VPS13B: variants seen among roughly 807,000 people sequenced by gnomAD.
VPS13B encodes intermembrane lipid transfer protein VPS13B.
In VPS13B, 285 loss-of-function variants were observed where a neutral mutation model predicts 426.4. That is an observed-to-expected ratio of 0.67 (90% confidence interval 0.61 to 0.74). VPS13B has a LOEUF of 0.74. Ranked by LOEUF, VPS13B falls within the 30% of genes least tolerant of loss-of-function variation. The pLI, the probability that VPS13B is intolerant of heterozygous loss-of-function variation, is 0.00. For missense variants in VPS13B, 4,537 were observed against 4,782.6 expected, an observed-to-expected ratio of 0.95 and a Z score of 1.51; for synonymous variants, 1,676 against 1,676.4, an observed-to-expected ratio of 1.00 and a Z score of 0.01.
intron 8 of VPS13B, among the ~76,000 whole-genome samples, chr8:99,124,255 G>C (rs1460219052): frequency 6.6e-6 from 1 of 152,198 alleles, no homozygotes; most frequent in Non-Finnish European, 1.5e-5. Context: ...TTTGAGCAGA[G>C]CAGTGATATG....
intron 43 of VPS13B, among the ~76,000 whole-genome samples, chr8:99,790,168 G>T (rs1253128017): frequency 1.3e-5 from 2 of 151,916 alleles, no homozygotes; most frequent in African/African-American, 4.8e-5. Flanking sequence ...TAACAGTTTT[G>T]CCCTGTTTTA....
intron 17 of VPS13B, among the ~76,000 whole-genome samples, chr8:99,226,878 T>C (rs1243421703): frequency 6.6e-6 from 1 of 152,244 alleles, no homozygotes; most frequent in Non-Finnish European, 1.5e-5. Context: ...TTATCATTTC[T>C]ATATGTTGAG....
chr8:99,042,433 G>C (rs977610076), intron 3 of VPS13B, among the ~76,000 whole-genome samples: 105 of 152,076 alleles, frequency 6.9e-4, no homozygotes, highest in African/African-American at 2.4e-3. Context: ...TCTAATTGTT[G>C]ATATGGCTCT....
chr8:99,628,160 C>A (rs1203615414), intron 33 of VPS13B, among the ~76,000 whole-genome samples: 1 of 152,204 alleles, frequency 6.6e-6, no homozygotes, highest in Admixed American at 6.5e-5. Context: ...CACATAGCTG[C>A]ACACAGGTGT....
intron 24 of VPS13B, among the ~76,000 whole-genome samples, chr8:99,474,129 G>A (rs1050489425): frequency 2.6e-5 from 4 of 150,944 alleles, no homozygotes; most frequent in East Asian, 3.9e-4. Flanking sequence ...CAGAAAGCCC[G>A]ACATTTGGAG....
intron 21 of VPS13B, among the ~76,000 whole-genome samples, chr8:99,409,665 C>T (rs1023899204): frequency 7.2e-5 from 11 of 151,946 alleles, no homozygotes; most frequent in African/African-American, 1.2e-4. Context: ...TTTCTTTTTC[C>T]GCTCTCCACT....
At chr8:99,344,636 A>G (rs1019929163) in intron 19 of VPS13B, among the ~76,000 whole-genome samples, 4 of 152,164 alleles carry the variant, frequency 2.6e-5, no homozygotes, top group African/African-American at 7.2e-5. Flanking sequence ...TCTGAATGCT[A>G]AGTCATTGCA....
chr8:99,159,902 G>A (rs1166391355), intron 15 of VPS13B, among the ~76,000 whole-genome samples: 3 of 152,034 alleles, frequency 2.0e-5, no homozygotes, highest in Non-Finnish European at 4.4e-5. Context: ...CAAGCTATCT[G>A]CCTACCTTGC....
chr8:99,823,092 A>G (rs1373386143), intron 50 of VPS13B, among the ~76,000 whole-genome samples: 1 of 152,174 alleles, frequency 6.6e-6, no homozygotes, highest in African/African-American at 2.4e-5. Flanking sequence ...CTTACATAAC[A>G]TGATAAGGTA....
chr8:99,240,713 T>C (rs965686828), intron 17 of VPS13B, among the ~76,000 whole-genome samples: 5 of 152,220 alleles, frequency 3.3e-5, no homozygotes, highest in African/African-American at 9.6e-5. Flanking sequence ...AAAAATCACT[T>C]TCTCCAGCTA....
chr8:99,826,822 G>A (rs1485049953), intron 51 of VPS13B, among the ~76,000 whole-genome samples: 1 of 152,102 alleles, frequency 6.6e-6, no homozygotes, highest in Non-Finnish European at 1.5e-5. Flanking sequence ...CATCTATTGA[G>A]ATAATCACGT....
chr8:99,293,369 T>C (rs1819845111), intron 19 of VPS13B, among the ~76,000 whole-genome samples: 1 of 107,128 alleles, frequency 9.3e-6, no homozygotes, highest in Admixed American at 1.1e-4. Context: ...ATCCCTTCCT[T>C]ACACCTTATA....
intron 14 of VPS13B, among the ~76,000 whole-genome samples, chr8:99,154,224 C>T (rs1425018998): frequency 1.3e-5 from 2 of 150,134 alleles, no homozygotes; most frequent in Non-Finnish European, 2.9e-5. Flanking sequence ...AATTTGGTGT[C>T]TGACATTAAT....
chr8:99,729,135 C>A (rs1337006054), intron 39 of VPS13B, among the ~76,000 whole-genome samples: 1 of 152,080 alleles, frequency 6.6e-6, no homozygotes, highest in Non-Finnish European at 1.5e-5. Context: ...ATGGGGAGAG[C>A]CACGTTTTAC....
intron 37 of VPS13B, among the ~76,000 whole-genome samples, 191 bp from the exon 38 acceptor site, chr8:99,720,154 T>C (rs1833079426): frequency 6.6e-6 from 1 of 152,168 alleles, no homozygotes; most frequent in Non-Finnish European, 1.5e-5. Flanking sequence ...ATTAATTTTT[T>C]TGTTGTTATA....
At chr8:99,027,083 C>T (rs1454577270) in intron 2 of VPS13B, among the ~76,000 whole-genome samples, 1 of 152,122 alleles carries the variant, frequency 6.6e-6, no homozygotes, top group Non-Finnish European at 1.5e-5. Context: ...ACCACGTTGG[C>T]CAGGCTGGTC....
chr8:99,665,349 T>C (rs1018728258), intron 35 of VPS13B, among the ~76,000 whole-genome samples: 120 of 152,288 alleles, frequency 7.9e-4, no homozygotes, highest in African/African-American at 2.8e-3. Flanking sequence ...AATTTTGGCT[T>C]TTGTTGCCAT....
At chr8:99,273,656 C>T (rs1818727941) in intron 17 of VPS13B, among the ~76,000 whole-genome samples, 1 of 151,890 alleles carries the variant, frequency 6.6e-6, no homozygotes, top group Non-Finnish European at 1.5e-5. Context: ...TGGTGGAATG[C>T]GCCCGTAATC....
intron 8 of VPS13B, among the ~76,000 whole-genome samples, chr8:99,130,682 A>C (rs1322951500): frequency 6.6e-6 from 1 of 152,078 alleles, no homozygotes; most frequent in Non-Finnish European, 1.5e-5. Flanking sequence ...GAGCCACCGC[A>C]TGAGTCCTTT....
Sources: allele counts gnomAD v4.1 joint callset (sites outside exome capture counted in the v4.1 genomes callset), GRCh38; gene constraint gnomAD v4.1.1; transcripts MANE v1.5; gene names NCBI Gene and HGNC (gene_info 2026-07-23, HGNC 2026-07-21).